Variants in HCFC2 observed in about 807,000 individuals in gnomAD.
The protein encoded by HCFC2 is host cell factor 2.
Under a neutral mutation model 89.2 loss-of-function variants are expected in HCFC2, and 18 were observed. The observed-to-expected ratio is 0.20, with a 90% CI of 0.14 to 0.30. The LOEUF (loss-of-function observed/expected upper bound fraction) is 0.30, where lower values mean the gene tolerates loss of function less well. HCFC2 is among the 10% of genes least tolerant of loss of function. HCFC2 has a pLI of 1.00. For missense variants in HCFC2, 578 were observed against 956.1 expected (o/e 0.60, Z 5.21); for synonymous variants, 308 against 335.7 (o/e 0.92, Z 0.90).
intron 2 of HCFC2, 38 bp downstream of exon 2, chr12:104,066,353 A>C: frequency 6.9e-7 from 1 of 1,458,300 alleles, no homozygotes; most frequent in Non-Finnish European, 9.3e-7. Flanking sequence ...TGAGGCTTTA[A>C]TAATGATATT....
intron 3 of HCFC2, among the ~76,000 whole-genome samples, chr12:104,071,478 A>G (rs997367095): frequency 6.6e-6 from 1 of 152,286 alleles, no homozygotes; most frequent in Non-Finnish European, 1.5e-5. Flanking sequence ...AACCAGCCAT[A>G]TGGCCAAGGC....
chr12:104,064,553 T>C lies in HCFC2; in HGVS notation c.-8T>C. The C allele has an allele frequency of 1.4e-6, 2 of 1,472,648 alleles. No homozygotes were observed. The highest frequency in any genetic ancestry group is 9.0e-7 in the Non-Finnish European group (1 of 1,110,268). The allele number at this position is 1,472,648 out of a possible 1,614,324, so 91.2% of individuals were successfully genotyped here. A position where few individuals can be genotyped will look rare whatever the true frequency, so the allele number is the denominator to read the frequency against. On this transcript the variant is annotated 5_prime_UTR_variant, in exon 1 of 15. Coordinates refer to ENST00000229330, the MANE Select transcript of HCFC2 (RefSeq NM_013320.3). The surrounding 1 kb of genome is among the most constrained non-coding windows in gnomAD (Gnocchi z 7.3). ...TGCATTGTGGGCAGAGGGGCGGGGG[T>C]TGGGAAGATGGCGGCTCCCAGCCTC... is the stretch of plus-strand genomic sequence containing the variant.
chr12:104,087,367 AAATT>A (rs1167356575), intron 8 of HCFC2, among the ~76,000 whole-genome samples: 4 of 150,382 alleles, frequency 2.7e-5, no homozygotes, highest in Admixed American at 6.6e-5. Context: ...AAAAAAAAAA[AAATT>A]CACACACACA....
chr12:104,076,292 A>G (rs1022214886), intron 3 of HCFC2, among the ~76,000 whole-genome samples: 1 of 152,198 alleles, frequency 6.6e-6, no homozygotes, highest in Non-Finnish European at 1.5e-5. Context: ...TATTAAATGA[A>G]TGTTCGAAGC....
At chr12:104,098,542 A>G in intron 13 of HCFC2, 62 bp downstream of exon 13, 2 of 1,458,860 alleles carry the variant, frequency 1.4e-6, no homozygotes, top group Non-Finnish European at 1.8e-6. Flanking sequence ...ATTTTTCTCT[A>G]CCAATAACTT....
In HCFC2 at chr12:104,068,842, A is replaced by T. The variant is rs1883228452; in HGVS notation, c.473+735A>T. 6.6e-6 allele frequency among the ~76,000 whole-genome samples: 1 copy of T among 150,980 alleles called. No individual in the cohort carries two copies. The stretch of plus-strand genomic sequence containing the variant: ...ATTCCTCTTTCCTTTGGGGAACTAT[A>T]CTGTTCCATGTAGTTTTTTTTTTTA... On this transcript the variant is annotated intron_variant, in intron 3 of 14. Coordinates refer to ENST00000229330, the MANE Select transcript of HCFC2 (RefSeq NM_013320.3). This position sits in a 1 kb window ranked among gnomAD's most constrained non-coding sequence, Gnocchi z 4.1.
At chr12:104,077,467 C>T (rs1212635856) in intron 3 of HCFC2, among the ~76,000 whole-genome samples, 1 of 151,558 alleles carries the variant, frequency 6.6e-6, no homozygotes, top group African/African-American at 2.4e-5. Flanking sequence ...TGGTCTTGAA[C>T]TCCTGACCTC....
At chr12:104,070,981 G>GT (rs1410484759) in intron 3 of HCFC2, among the ~76,000 whole-genome samples, 13 of 151,670 alleles carry the variant, frequency 8.6e-5, no homozygotes, top group South Asian at 2.1e-4. Context: ...ATTTTTTTGT[G>GT]TTTTTTAGTA....
Position 104,064,547 on chromosome 12 carries a change from C to T in HCFC2, c.-14C>T, listed in dbSNP as rs1043001936. 4 of 1,487,492 alleles carry T rather than the reference C, an allele frequency of 2.7e-6. No homozygotes were observed. Among genetic ancestry groups the T allele is most frequent in the South Asian group, 2.6e-5 (2 of 77,662 alleles). The allele number at this position is 1,487,492 out of a possible 1,614,324, so 92.1% of individuals were successfully genotyped here. On this transcript the variant is annotated 5_prime_UTR_variant, in exon 1 of 15. Transcript: ENST00000229330. This position sits in a 1 kb window ranked among gnomAD's most constrained non-coding sequence, Gnocchi z 7.3. ...GAGCGGTGCATTGTGGGCAGAGGGG[C>T]GGGGGTTGGGAAGATGGCGGCTCCC...
intron 3 of HCFC2, among the ~76,000 whole-genome samples, chr12:104,070,731 T>C (rs186860199): frequency 4.6e-5 from 7 of 151,628 alleles, no homozygotes; most frequent in Admixed American, 4.6e-4. Context: ...TACTAAAATA[T>C]CATGGAAAAT....
chr12:104,071,185 C>G (rs1385337532), intron 3 of HCFC2, among the ~76,000 whole-genome samples: 1 of 152,202 alleles, frequency 6.6e-6, no homozygotes, highest in East Asian at 1.9e-4. Context: ...GGTAAAAAGT[C>G]AAATCAGAAA....
At chr12:104,092,326 C>CATGCTGGTGTGTGCCTGTAGCCCCAGCT (rs1884044517) in intron 9 of HCFC2, among the ~76,000 whole-genome samples, 1 of 151,900 alleles carries the variant, frequency 6.6e-6, no homozygotes, top group Non-Finnish European at 1.5e-5. Flanking sequence ...ATTAGCTGGG[C>CATGCTGGTGTGTGCCTGTAGCCCCAGCT]ATGCTGGTGT....
At chr12:104,097,014 A>T (rs569196160) in intron 12 of HCFC2, among the ~76,000 whole-genome samples, 1 of 152,156 alleles carries the variant, frequency 6.6e-6, no homozygotes, top group Non-Finnish European at 1.5e-5. Context: ...ACATAGGCCA[A>T]ATTTGGTATG....
intron 4 of HCFC2, 137 bp downstream of exon 4, chr12:104,079,790 G>T: frequency 1.5e-6 from 1 of 650,948 alleles, no homozygotes; most frequent in Admixed American, 2.8e-5. Flanking sequence ...GTGTATGTGT[G>T]ATATGAATGG....
intron 1 of HCFC2, chr12:104,065,058 GCCTCTGT>G (rs1277673443): frequency 8.7e-6 from 2 of 229,526 alleles, no homozygotes; most frequent in African/African-American, 4.5e-5. Context: ...CCGAAATCTC[GCCTCTGT>G]CAAAAAACAA....
intron 8 of HCFC2, 49 bp from the exon 9 acceptor site, chr12:104,087,937 T>C: frequency 9.8e-7 from 1 of 1,023,376 alleles, no homozygotes. Context: ...TTATATTTTA[T>C]TGAAGCTAGT....
chr12:104,089,540 C>T (rs1883965318), intron 9 of HCFC2, among the ~76,000 whole-genome samples: 1 of 152,156 alleles, frequency 6.6e-6, no homozygotes, highest in South Asian at 2.1e-4. Flanking sequence ...TAAATAGTCA[C>T]ACAGAAATGA....
intron 7 of HCFC2, among the ~76,000 whole-genome samples, chr12:104,084,201 A>G (rs1196404505): frequency 6.6e-6 from 1 of 152,226 alleles, no homozygotes; most frequent in Non-Finnish European, 1.5e-5. Context: ...TTACATTCTG[A>G]GGGGGTACGA....
At position 104,074,802 on chromosome 12, in the gene HCFC2, G is replaced by A. The variant is rs1883445592; in HGVS notation, c.474-4643G>A. Reference sequence around the variant, plus strand: ...AATCTGATTTGAGTATCAGGATTATGTTATCCTTGAAAATGTAATCAGGGT... The same window carrying A: ...AATCTGATTTGAGTATCAGGATTATATTATCCTTGAAAATGTAATCAGGGT... On this transcript the variant is annotated intron_variant, in intron 3 of 14. Transcript: ENST00000229330. Among the ~76,000 whole-genome samples the A allele has an allele frequency of 2.6e-5, 4 of 152,120 alleles. No homozygotes were observed. In the South Asian group the frequency reaches 8.3e-4, roughly 31 times the overall value.
Sources: allele counts gnomAD v4.1 joint callset (sites outside exome capture counted in the v4.1 genomes callset), GRCh38; gene constraint gnomAD v4.1.1; non-coding constraint Gnocchi (gnomAD v3.1); transcripts MANE v1.5; gene names NCBI Gene and HGNC (gene_info 2026-07-23, HGNC 2026-07-21).